The following CACHD1 variants were observed in gnomAD, a reference collection of about 807,000 sequenced individuals.
CACHD1 encodes the protein cache domain containing 1.
Under a neutral mutation model 138.7 loss-of-function variants are expected in CACHD1, and 71 were observed. The ratio of observed to expected loss-of-function variants is 0.51; its 90% CI spans 0.42 to 0.62. CACHD1 has a LOEUF of 0.62. Among genes scored for constraint, CACHD1 ranks in the 20% least tolerant of loss-of-function variants. The pLI is 0.00. For synonymous variants in CACHD1, 578 were observed against 591.5 expected (o/e 0.98, Z 0.33); for missense variants, 1,389 against 1,625.3 (o/e 0.85, Z 2.50).
At chr1:64,571,664 T>C (rs1570378017) in intron 2 of CACHD1, among the ~76,000 whole-genome samples, 1 of 152,190 alleles carries the variant, frequency 6.6e-6, no homozygotes, top group African/African-American at 2.4e-5. Context: ...TGCTGGCAAA[T>C]GTTTGATCGA....
chr1:64,675,859 T>C, intron 20 of CACHD1, 38 bp from the exon 21 acceptor site: 1 of 1,331,690 alleles, frequency 7.5e-7, no homozygotes, highest in South Asian at 1.4e-5. Context: ...CAGTTTGCCA[T>C]TGACCTTCTG....
intron 5 of CACHD1, among the ~76,000 whole-genome samples, chr1:64,630,278 C>G (rs945849116): frequency 6.6e-6 from 1 of 151,500 alleles, no homozygotes; most frequent in East Asian, 1.9e-4. Flanking sequence ...AAGGAAAATA[C>G]TTCATCTGTG....
intron 1 of CACHD1, among the ~76,000 whole-genome samples, chr1:64,495,778 T>G (rs1006432295): frequency 6.6e-6 from 1 of 152,164 alleles, no homozygotes; most frequent in Non-Finnish European, 1.5e-5. Flanking sequence ...AATTTCTTCA[T>G]CTAAGCCTAC....
At chr1:64,675,625 G>A (rs1649960589) in intron 20 of CACHD1, 64 bp downstream of exon 20, 6 of 1,525,648 alleles carry the variant, frequency 3.9e-6, no homozygotes, top group Non-Finnish European at 5.4e-6. Flanking sequence ...CTGATGTCAG[G>A]CATTTTGAAG....
At chr1:64,605,421 TTAAA>T (rs1446160622) in intron 4 of CACHD1, among the ~76,000 whole-genome samples, 1 of 152,190 alleles carries the variant, frequency 6.6e-6, no homozygotes, top group African/African-American at 2.4e-5. Flanking sequence ...TTTCTTAATC[TTAAA>T]TTAAGCATTT....
At chr1:64,636,460 C>T (rs997619413) in intron 7 of CACHD1, among the ~76,000 whole-genome samples, 1 of 152,178 alleles carries the variant, frequency 6.6e-6, no homozygotes, top group African/African-American at 2.4e-5. Context: ...GTCTCACAGG[C>T]TACTGTCAGA....
intron 1 of CACHD1, among the ~76,000 whole-genome samples, chr1:64,525,318 A>C (rs1448734431): frequency 1.3e-5 from 2 of 152,196 alleles, no homozygotes; most frequent in Non-Finnish European, 2.9e-5. Flanking sequence ...CAGAAGTTGC[A>C]AAAGAATTTC....
intron 13 of CACHD1, among the ~76,000 whole-genome samples, chr1:64,660,611 A>G (rs548316953): frequency 6.6e-6 from 1 of 151,188 alleles, no homozygotes; most frequent in South Asian, 2.1e-4. Flanking sequence ...GCTCACTGCC[A>G]CCTCCGTCTC....
At chr1:64,487,329 C>A (rs1227913661) in intron 1 of CACHD1, among the ~76,000 whole-genome samples, 3 of 152,110 alleles carry the variant, frequency 2.0e-5, no homozygotes. Context: ...GAAGAGGGCA[C>A]CTTTCTCCCC....
chr1:64,552,271 C>T (rs1646764789), intron 2 of CACHD1, among the ~76,000 whole-genome samples: 1 of 151,872 alleles, frequency 6.6e-6, no homozygotes, highest in South Asian at 2.1e-4. Flanking sequence ...TATGGAACAT[C>T]AGGGCTAGGC....
chr1:64,592,209 T>C (rs984850516), intron 3 of CACHD1, among the ~76,000 whole-genome samples: 3 of 152,380 alleles, frequency 2.0e-5, no homozygotes, highest in Admixed American at 1.3e-4. Context: ...TTAACAGTTT[T>C]GTTATATGCA....
intron 1 of CACHD1, among the ~76,000 whole-genome samples, chr1:64,527,356 T>G (rs1427457637): frequency 2.0e-5 from 3 of 152,186 alleles, no homozygotes; most frequent in Non-Finnish European, 2.9e-5. Context: ...GCCACCACAT[T>G]CTCTTTGATG....
chr1:64,595,239 A>T (rs1647140308), intron 3 of CACHD1, among the ~76,000 whole-genome samples: 1 of 152,156 alleles, frequency 6.6e-6, no homozygotes, highest in Non-Finnish European at 1.5e-5. Flanking sequence ...GAGAGAACAC[A>T]CCCAATTTAC....
At position 64,691,365 on chromosome 1, in the gene CACHD1, C is replaced by T. The variant is rs145712613; in HGVS notation, c.3629C>T (p.Pro1210Leu). Residue 1210 changes from proline (P) to leucine (L), a missense_variant, in exon 27 of 27, where the codon CCA (proline) becomes CTA (leucine). By Grantham distance (98) the Pro-to-Leu change is moderately conservative (BLOSUM62 -3). Coordinates refer to ENST00000651257, the MANE Select transcript of CACHD1 (RefSeq NM_020925.4). The stretch of plus-strand genomic sequence containing the variant: ...CCACAGGAGGACAGTGAAAATCCTC[C>T]ATGCAACAATGACCCCTTGTCAGCC... ...MSPQEDSENP[P>L]CNNDPLSAGV... 9 of 1,613,958 alleles carry T rather than the reference C, an allele frequency of 5.6e-6. No homozygotes were observed. The highest frequency in any genetic ancestry group is 6.8e-6 in the Non-Finnish European group (8 of 1,180,024).
chr1:64,663,600 T>A, intron 13 of CACHD1, 95 bp from the exon 14 acceptor site: 49 of 1,272,818 alleles, frequency 3.8e-5, no homozygotes, highest in Non-Finnish European at 4.9e-5. Context: ...TAAGCCACCA[T>A]AGCTGACAGA....
intron 1 of CACHD1, among the ~76,000 whole-genome samples, chr1:64,489,103 T>C (rs1646259543): frequency 6.6e-6 from 1 of 152,208 alleles, no homozygotes; most frequent in Admixed American, 6.5e-5. Context: ...ATTAACTCTT[T>C]TTAAGCTAGT....
chr1:64,685,419 T>C (rs888464690), intron 26 of CACHD1, among the ~76,000 whole-genome samples: 3 of 152,178 alleles, frequency 2.0e-5, no homozygotes, highest in Non-Finnish European at 4.4e-5. Flanking sequence ...ACACAAGACA[T>C]GACTGTACCC....
chr1:64,576,920 A>G (rs1234585603), intron 2 of CACHD1, among the ~76,000 whole-genome samples: 1 of 129,866 alleles, frequency 7.7e-6, no homozygotes, highest in Non-Finnish European at 1.7e-5. Flanking sequence ...TTTTTTTTTT[A>G]GAATTCTTTA....
At chr1:64,611,769 T>C (rs1328298465) in intron 4 of CACHD1, among the ~76,000 whole-genome samples, 1 of 152,186 alleles carries the variant, frequency 6.6e-6, no homozygotes, top group East Asian at 1.9e-4. Context: ...CAATCTCTGC[T>C]GGTTACCCAG....
Sources: allele counts gnomAD v4.1 joint callset (sites outside exome capture counted in the v4.1 genomes callset), GRCh38; gene constraint gnomAD v4.1.1; transcripts MANE v1.5; gene names NCBI Gene and HGNC (gene_info 2026-07-23, HGNC 2026-07-21).